RSU1: variants seen among roughly 807,000 people sequenced by gnomAD.
The protein encoded by RSU1 is rsu-1.
In RSU1, 26 loss-of-function variants were observed where a neutral mutation model predicts 31.1. That is an observed-to-expected ratio of 0.84 (90% CI 0.61 to 1.16). The LOEUF is 1.16. Ranked by LOEUF, RSU1 falls within the 50% of genes most tolerant of loss-of-function variation. The pLI is 0.00. For synonymous variants in RSU1, 164 were observed against 136.3 expected (o/e 1.20, Z -1.41); for missense variants, 320 against 339.1 (o/e 0.94, Z 0.44).
rs150863401 is a variant in RSU1, at chr10:16,696,332, C to T, written c.599-1177G>A. On this transcript the variant is annotated intron_variant, in intron 7 of 8. Transcript: ENST00000345264. ...CATATCCTGGGACGCAAGTACAAAG[C>T]AAATCATTGCCTAGCTGATCTGAGC... Among the ~76,000 whole-genome samples the T allele has an allele frequency of 3.8e-3, 585 of 152,198 alleles. 2 individuals carry two copies. The highest frequency in any genetic ancestry group is 5.3e-3 in the Non-Finnish European group (362 of 68,004).
rs1838561697 is a variant in RSU1 at position 16,817,239 on chromosome 10, T to TAGGGCAGG, written c.-4+75_-4+76insCCTGCCCT. The stretch of plus-strand genomic sequence containing the variant: ...GGCTGGTCCGGGTGCGGGGAGGGGA[T>TAGGGCAGG]GGAGTGGGAAGGGTTCAGCCCCGCT... On this transcript the variant is annotated intron_variant, in intron 1 of 8. Coordinates refer to ENST00000345264, the MANE Select transcript of RSU1 (RefSeq NM_012425.4). 36 of 607,144 alleles carry TAGGGCAGG rather than the reference T, an allele frequency of 5.9e-5. 1 individual carries two copies. The highest frequency in any genetic ancestry group is 1.5e-4 in the East Asian group (5 of 34,324). The allele number at this position is 607,144 out of a possible 1,614,324, so 37.6% of individuals were successfully genotyped here.
At chr10:16,619,670 A>G (rs961334965) in intron 8 of RSU1, among the ~76,000 whole-genome samples, 1 of 152,238 alleles carries the variant, frequency 6.6e-6, no homozygotes, top group Admixed American at 6.5e-5. Context: ...GCCTAGACTT[A>G]TGGACACATG....
chr10:16,605,507 G>A (rs1564283597), intron 8 of RSU1, among the ~76,000 whole-genome samples: 1 of 152,266 alleles, frequency 6.6e-6, no homozygotes, highest in East Asian at 1.9e-4. Context: ...TCTGAGACAG[G>A]GACTAGGCCA....
In RSU1 at chr10:16,593,429, T is replaced by C. The variant is rs767520982; in HGVS notation, c.799A>G (p.Ile267Val). 1.9e-6 allele frequency: 3 copies of C among 1,613,994 alleles called. No homozygotes were observed. The Admixed American group carries it at 5.0e-5, about 27-fold the overall frequency. Residue 267 changes from isoleucine to valine, a missense_variant, in exon 9 of 9, where the codon ATC (isoleucine) becomes GTC (valine). Transcript: ENST00000345264. ...TTGGCTGCCAGGGGTTTCCGGCTGA[T>C]CTTTTTCGATTTGTCATTATTCTTC... ...PKKNNDKSKK[I>V]SRKPLAAKNR
chr10:16,670,714 T>C (rs1038985114), intron 8 of RSU1, among the ~76,000 whole-genome samples: 1 of 152,144 alleles, frequency 6.6e-6, no homozygotes. Flanking sequence ...TTTGCCTCTT[T>C]TTCTTCTGGT....
chr10:16,766,624 A>T (rs933201497), intron 3 of RSU1, among the ~76,000 whole-genome samples: 1 of 152,040 alleles, frequency 6.6e-6, no homozygotes, highest in Non-Finnish European at 1.5e-5. Flanking sequence ...CTGAGGCAGG[A>T]GAATCGCTTG....
At chr10:16,747,119 C>T (rs1344295978) in intron 7 of RSU1, among the ~76,000 whole-genome samples, 8 of 152,118 alleles carry the variant, frequency 5.3e-5, no homozygotes, top group Admixed American at 5.2e-4. Context: ...GGCCACAGTC[C>T]CTGAATGGCC....
rs143603804 is a variant in RSU1, at chr10:16,713,318, C to T, written c.599-18163G>A. The stretch of plus-strand genomic sequence containing the variant: ...TGTCTTTCTCCAACTCTTCTCCCTA[C>T]GAAGTTCCTATAATGCACACATTTG... On this transcript the variant is annotated intron_variant, in intron 7 of 8. Transcript: ENST00000345264. 3.2e-3 allele frequency among the ~76,000 whole-genome samples: 488 copies of T among 152,288 alleles called. 1 individual carries two copies. Among genetic ancestry groups the T allele is most frequent in the African/African-American group, 0.011 (475 of 41,542 alleles).
intron 4 of RSU1, among the ~76,000 whole-genome samples, chr10:16,761,716 CG>C (rs1231463047): frequency 6.6e-6 from 1 of 151,962 alleles, no homozygotes; most frequent in Admixed American, 6.6e-5. Flanking sequence ...ATTAGCTGGG[CG>C]TGGTGGCAGG....
In RSU1 at chr10:16,807,134, A is replaced by C. The variant is rs1838289486; in HGVS notation, c.109+9839T>G. 5.3e-5 allele frequency among the ~76,000 whole-genome samples: 8 copies of C among 152,308 alleles called. No individual in the cohort carries two copies. The South Asian group carries it at 1.7e-3, about 32-fold the overall frequency. On this transcript the variant is annotated intron_variant, in intron 2 of 8. Coordinates refer to ENST00000345264, the MANE Select transcript of RSU1 (RefSeq NM_012425.4). ...ACCAAGTTACATAGACCACCATTCA[A>C]ACACTGAGATTGCAAACCACATTAC...
chr10:16,643,153 A>G (rs1479644610), intron 8 of RSU1, among the ~76,000 whole-genome samples: 1 of 152,214 alleles, frequency 6.6e-6, no homozygotes, highest in Non-Finnish European at 1.5e-5. Context: ...ACAGTATATG[A>G]ACTCAGTAAT....
chr10:16,682,219 G>A (rs570279959), intron 8 of RSU1, among the ~76,000 whole-genome samples: 16 of 152,270 alleles, frequency 1.1e-4, no homozygotes, highest in Non-Finnish European at 2.1e-4. Context: ...CCTCAGAGGC[G>A]TTCGAACCAG....
At chr10:16,622,090 C>T (rs1834080302) in intron 8 of RSU1, among the ~76,000 whole-genome samples, 1 of 152,146 alleles carries the variant, frequency 6.6e-6, no homozygotes, top group South Asian at 2.1e-4. Flanking sequence ...CATAAATATA[C>T]ATACCTACTA....
rs138206570 is a variant in RSU1, at chr10:16,603,726, G to A, written c.732-10230C>T. Among the ~76,000 whole-genome samples the A allele has an allele frequency of 4.6e-3, 693 of 152,292 alleles. 7 individuals carry two copies. The highest frequency in any genetic ancestry group is 0.016 in the African/African-American group (653 of 41,558). On this transcript the variant is annotated intron_variant, in intron 8 of 8. Coordinates refer to ENST00000345264, the MANE Select transcript of RSU1 (RefSeq NM_012425.4). The stretch of plus-strand genomic sequence containing the variant: ...AAGGGCAATGGTAAGTTACTTCCCT[G>A]ATAGACTTCATACCTGGAGTGGATT...
intron 8 of RSU1, among the ~76,000 whole-genome samples, chr10:16,694,267 T>C (rs1459874536): frequency 2.6e-5 from 4 of 152,316 alleles, no homozygotes; most frequent in African/African-American, 7.2e-5. Context: ...GCCTTCCCCT[T>C]TTCTCTAAGA....
chr10:16,748,814 G>T (rs1372334655), intron 7 of RSU1, among the ~76,000 whole-genome samples: 6 of 150,518 alleles, frequency 4.0e-5, no homozygotes, highest in African/African-American at 1.5e-4. Context: ...CCCTATGAGT[G>T]AGGGTTTCTC....
At chr10:16,617,492 C>T (rs943944601) in intron 8 of RSU1, among the ~76,000 whole-genome samples, 1 of 152,038 alleles carries the variant, frequency 6.6e-6, no homozygotes, top group Non-Finnish European at 1.5e-5. Context: ...ACTACTTTAC[C>T]TTTCACATGG....
chr10:16,782,473 A>G (rs1837674648), intron 2 of RSU1, among the ~76,000 whole-genome samples: 1 of 152,216 alleles, frequency 6.6e-6, no homozygotes, highest in Admixed American at 6.5e-5. Flanking sequence ...CTTGTGCTAA[A>G]AAATTTTAAT....
chr10:16,699,365 G>A (rs1288181421), intron 7 of RSU1, among the ~76,000 whole-genome samples: 3 of 152,160 alleles, frequency 2.0e-5, no homozygotes, highest in African/African-American at 7.2e-5. Flanking sequence ...TCAGAAGAGG[G>A]TTAATATAAT....
Sources: allele counts gnomAD v4.1 joint callset (sites outside exome capture counted in the v4.1 genomes callset), GRCh38; gene constraint gnomAD v4.1.1; transcripts MANE v1.5; gene names NCBI Gene and HGNC (gene_info 2026-07-23, HGNC 2026-07-21).